Variants in STRN observed in about 807,000 individuals in gnomAD.
The protein encoded by STRN is striatin.
Under a neutral mutation model 96.3 loss-of-function variants are expected in STRN, and 53 were observed. That is an observed-to-expected ratio of 0.55 (90% CI 0.44 to 0.69). STRN has a LOEUF of 0.69. Among genes scored for constraint, STRN ranks in the 30% least tolerant of loss-of-function variants. STRN has a pLI of 0.00. For synonymous variants in STRN, 428 were observed against 355.9 expected, an observed-to-expected ratio of 1.20 and a Z score of -2.28; for missense variants, 987 against 963.9, an observed-to-expected ratio of 1.02 and a Z score of -0.32.
intron 1 of STRN, among the ~76,000 whole-genome samples, chr2:36,933,892 C>A (rs909329543): frequency 6.6e-6 from 1 of 152,056 alleles, no homozygotes; most frequent in Non-Finnish European, 1.5e-5. Flanking sequence ...GGTGGATCAC[C>A]CGAGGTCAGG....
At chr2:36,906,505 T>G (rs962251101) in intron 3 of STRN, among the ~76,000 whole-genome samples, 1 of 116,008 alleles carries the variant, frequency 8.6e-6, no homozygotes, top group Admixed American at 8.5e-5. Flanking sequence ...AACAAATAAA[T>G]AATTTTTTTA....
rs1006205480 is a variant in STRN at position 36,848,032 on chromosome 2, G to C, written c.*1424C>G. 2.0e-5 allele frequency: 3 copies of C among 152,138 alleles called. No individual in the cohort carries two copies. Among genetic ancestry groups the C allele is most frequent in the Non-Finnish European group, 4.4e-5 (3 of 68,022 alleles). 9.4% of individuals were successfully genotyped at this position (152,138 alleles called of 1,614,324 possible). A position where few individuals can be genotyped will look rare whatever the true frequency, so the allele number is the denominator to read the frequency against. ...AGTAAGAGAGACATAAACCACTATA[G>C]AAATAATGTCTTTATGACAGGAGAC... On this transcript the variant is annotated 3_prime_UTR_variant, in exon 18 of 18. Coordinates refer to ENST00000263918, the MANE Select transcript of STRN (RefSeq NM_003162.4).
intron 2 of STRN, among the ~76,000 whole-genome samples, chr2:36,921,689 T>TA (rs1470159082): frequency 7.6e-6 from 1 of 131,220 alleles, no homozygotes; most frequent in Non-Finnish European, 1.6e-5. Flanking sequence ...GGACTCTACT[T>TA]AAAATTTTTT....
At chr2:36,884,644 C>T (rs1572647122) in intron 8 of STRN, among the ~76,000 whole-genome samples, 1 of 152,058 alleles carries the variant, frequency 6.6e-6, no homozygotes, top group African/African-American at 2.4e-5. Context: ...AAATCTTACC[C>T]AAAGTCTGTT....
intron 1 of STRN, among the ~76,000 whole-genome samples, chr2:36,955,836 T>A (rs1236124540): frequency 6.6e-6 from 1 of 152,202 alleles, no homozygotes; most frequent in East Asian, 1.9e-4. Flanking sequence ...TGCATATACC[T>A]AATGAGATAT....
At chr2:36,871,966 G>T (rs1333909276) in intron 10 of STRN, among the ~76,000 whole-genome samples, 1 of 152,150 alleles carries the variant, frequency 6.6e-6, no homozygotes, top group African/African-American at 2.4e-5. Context: ...TAACTACTGG[G>T]GCTGGTTATT....
chr2:36,865,361 T>C (rs2148143936), intron 12 of STRN, among the ~76,000 whole-genome samples: 1 of 152,302 alleles, frequency 6.6e-6, no homozygotes, highest in South Asian at 2.1e-4. Flanking sequence ...TTGGATCTTC[T>C]CTTTTTTTCT....
chr2:36,908,891 G>A (rs1669892389), intron 3 of STRN, among the ~76,000 whole-genome samples: 1 of 151,988 alleles, frequency 6.6e-6, no homozygotes, highest in African/African-American at 2.4e-5. Context: ...TGAGGCAGGA[G>A]AATCACATGA....
chr2:36,923,065 C>T (rs1435641104), intron 2 of STRN, among the ~76,000 whole-genome samples: 13 of 151,732 alleles, frequency 8.6e-5, no homozygotes, highest in Admixed American at 8.5e-4. Flanking sequence ...TTGCTTGAAC[C>T]CAGGAGGTGG....
chr2:36,886,595 G>C, intron 8 of STRN, 121 bp downstream of exon 8: 6 of 718,856 alleles, frequency 8.3e-6, no homozygotes, highest in Non-Finnish European at 1.4e-5. Flanking sequence ...AGGTGAAAAG[G>C]AAAGAGGTCA....
intron 1 of STRN, among the ~76,000 whole-genome samples, chr2:36,927,609 G>A (rs184878431): frequency 8.2e-4 from 124 of 151,310 alleles, no homozygotes; most frequent in African/African-American, 2.9e-3. Flanking sequence ...TGAGAGGATA[G>A]CTTGAGGCTG....
At chr2:36,929,184 AGAAG>A (rs1177625862) in intron 1 of STRN, among the ~76,000 whole-genome samples, 1 of 152,200 alleles carries the variant, frequency 6.6e-6, no homozygotes, top group African/African-American at 2.4e-5. Flanking sequence ...TAAAAATAAT[AGAAG>A]GAAGACATTT....
At position 36,839,271 on chromosome 2, in the gene STRN, C is replaced by T. The variant is rs1667890838; in HGVS notation, c.*10185G>A. 1.3e-5 allele frequency among the ~76,000 whole-genome samples: 2 copies of T among 152,046 alleles called. No individual in the cohort carries two copies. Among genetic ancestry groups the T allele is most frequent in the Admixed American group, 1.3e-4 (2 of 15,258 alleles). On this transcript the variant is annotated 3_prime_UTR_variant, in exon 18 of 18. Coordinates refer to ENST00000263918, the MANE Select transcript of STRN (RefSeq NM_003162.4). ...TCCCTCTGCACTTATCACTAATATTCCCTATATTTTCACTTGTTCCCCCAC... is the reference window on the plus strand; with the variant it reads ...TCCCTCTGCACTTATCACTAATATTTCCTATATTTTCACTTGTTCCCCCAC...
intron 1 of STRN, among the ~76,000 whole-genome samples, chr2:36,932,039 C>T (rs1382611219): frequency 6.6e-6 from 1 of 152,128 alleles, no homozygotes; most frequent in African/African-American, 2.4e-5. Context: ...AGGCTGGTCT[C>T]GAACTCCTAG....
At chr2:36,886,680 G>A (rs1165537802) in intron 8 of STRN, 36 bp downstream of exon 8, 1 of 1,520,302 alleles carries the variant, frequency 6.6e-7, no homozygotes, top group Admixed American at 2.0e-5. Flanking sequence ...AAAGAGGCAA[G>A]ATTTATGATT....
rs1668087203 is a variant in STRN at position 36,846,704 on chromosome 2, T to C, written c.*2752A>G. The C allele has an allele frequency of 6.6e-6, 1 of 151,876 alleles. No homozygotes were observed. The highest frequency in any genetic ancestry group is 2.4e-5 in the African/African-American group (1 of 41,360). The allele number at this position is 151,876 out of a possible 1,614,324, so 9.4% of individuals were successfully genotyped here. On this transcript the variant is annotated 3_prime_UTR_variant, in exon 18 of 18. Transcript: ENST00000263918. ...AGTATTTGTTTAATGGCAAAAGTTG[T>C]TAAACTTGTTCAATAGAAAAATACT...
Position 36,958,940 on chromosome 2 carries a change from C to G in STRN, c.234+7290G>C, listed in dbSNP as rs1322359768. On this transcript the variant is annotated intron_variant, in intron 1 of 17. Coordinates refer to ENST00000263918, the MANE Select transcript of STRN (RefSeq NM_003162.4). ...GACCATCCTAGCTGACACAGTGAAACCCCATCTCTACCAAAAATACAAAAA... is the reference window on the plus strand; with the variant it reads ...GACCATCCTAGCTGACACAGTGAAAGCCCATCTCTACCAAAAATACAAAAA... Among the ~76,000 whole-genome samples, 4 of 152,232 alleles carry G rather than the reference C, an allele frequency of 2.6e-5. No individual in the cohort carries two copies. In the East Asian group the frequency reaches 7.7e-4, roughly 29 times the overall value.
At chr2:36,893,741 T>A (rs1387303794) in intron 7 of STRN, among the ~76,000 whole-genome samples, 157 bp downstream of exon 7, 1 of 152,100 alleles carries the variant, frequency 6.6e-6, no homozygotes, top group Non-Finnish European at 1.5e-5. Flanking sequence ...TCCTTAAACA[T>A]ACACACACAT....
intron 6 of STRN, among the ~76,000 whole-genome samples, chr2:36,897,715 G>A (rs1048568051): frequency 6.6e-6 from 1 of 151,964 alleles, no homozygotes; most frequent in Admixed American, 6.6e-5. Flanking sequence ...GGGATTACAG[G>A]TGTGAGCCAC....
Sources: allele counts gnomAD v4.1 joint callset (sites outside exome capture counted in the v4.1 genomes callset), GRCh38; gene constraint gnomAD v4.1.1; transcripts MANE v1.5; gene names NCBI Gene and HGNC (gene_info 2026-07-23, HGNC 2026-07-21).